Variants in KIF25 observed in about 807,000 individuals in gnomAD.
KIF25 encodes the protein kinesin-like protein KIF25.
A neutral mutation model predicts 32.9 loss-of-function variants in KIF25; 19 were observed. The observed-to-expected ratio is 0.58, with a 90% CI of 0.40 to 0.85. The LOEUF is 0.85. Ranked by LOEUF, KIF25 falls within the 40% of genes least tolerant of loss-of-function variation. The probability of loss-of-function intolerance (pLI) is 0.00; values close to 1 mark genes in which losing one functional copy is unlikely to be tolerated. For synonymous variants in KIF25, 225 were observed against 213.7 expected, an observed-to-expected ratio of 1.05 and a Z score of -0.46; for missense variants, 485 against 507.0, an observed-to-expected ratio of 0.96 and a Z score of 0.42.
intron 7 of KIF25, among the ~76,000 whole-genome samples, chr6:168,033,437 T>C (rs1266635929): frequency 6.6e-6 from 1 of 151,084 alleles, no homozygotes; most frequent in Non-Finnish European, 1.5e-5. Context: ...GAGGCAGAGG[T>C]TGCAATGAGC....
intron 10 of KIF25, among the ~76,000 whole-genome samples, chr6:168,040,843 T>G (rs1008684047): frequency 1.8e-4 from 27 of 152,338 alleles, no homozygotes; most frequent in African/African-American, 6.3e-4. Flanking sequence ...AATTTCAGTT[T>G]AAAACCAAAA....
intron 4 of KIF25, among the ~76,000 whole-genome samples, chr6:168,004,629 T>C (rs554783713): frequency 1.3e-5 from 2 of 152,268 alleles, no homozygotes; most frequent in South Asian, 4.1e-4. Flanking sequence ...AAATGGTGAC[T>C]CTAGGCCCTC....
intron 5 of KIF25, among the ~76,000 whole-genome samples, chr6:168,025,820 G>T (rs1253484136): frequency 6.6e-6 from 1 of 152,196 alleles, no homozygotes; most frequent in East Asian, 1.9e-4. Context: ...TTCCCCACGC[G>T]GCTTACACAC....
intron 5 of KIF25, among the ~76,000 whole-genome samples, chr6:168,025,124 A>G (rs1433662428): frequency 3.3e-5 from 5 of 152,174 alleles, no homozygotes; most frequent in African/African-American, 4.8e-5. Context: ...TCTGGGGAAG[A>G]GGCCTTGAGC....
At chr6:168,002,066 T>G (rs112853234) in intron 2 of KIF25, among the ~76,000 whole-genome samples, 73 of 51,956 alleles carry the variant, frequency 1.4e-3, no homozygotes, top group African/African-American at 1.7e-3. Flanking sequence ...CTCGGGCAGG[T>G]GAGAAGACAC....
At chr6:168,044,312 G>T (rs188137337) in intron 12 of KIF25, among the ~76,000 whole-genome samples, 1 of 136,446 alleles carries the variant, frequency 7.3e-6, no homozygotes, top group Admixed American at 7.3e-5. Flanking sequence ...GCTAGTGACC[G>T]GCTGCTGACC....
intron 5 of KIF25, among the ~76,000 whole-genome samples, chr6:168,024,419 CTCTCTTTTTTTTT>C (rs1313049253): frequency 1.5e-4 from 20 of 132,124 alleles, no homozygotes; most frequent in African/African-American, 5.9e-4. Flanking sequence ...GTAAAAACCT[CTCTCTTTTTTTTT>C]TTTTTTTTTT....
chr6:168,035,461 C>CGGG (rs200000338), intron 8 of KIF25, among the ~76,000 whole-genome samples: 1 of 68,980 alleles, frequency 1.4e-5, no homozygotes, highest in Non-Finnish European at 2.8e-5. Context: ...AACGGCGCTG[C>CGGG]GGGGGGGGCG....
intron 4 of KIF25, among the ~76,000 whole-genome samples, chr6:168,014,462 G>T (rs1167829130): frequency 6.6e-6 from 1 of 152,172 alleles, no homozygotes; most frequent in Non-Finnish European, 1.5e-5. Flanking sequence ...TTTGGATTCT[G>T]TTTTTAAATC....
chr6:168,044,073 C>A (rs537938363), intron 12 of KIF25, among the ~76,000 whole-genome samples: 3 of 152,336 alleles, frequency 2.0e-5, no homozygotes, highest in African/African-American at 7.2e-5. Context: ...TGACTTCATA[C>A]CTCCCAATTC....
intron 2 of KIF25, among the ~76,000 whole-genome samples, chr6:168,001,165 C>T (rs73040807): frequency 0.029 from 4,382 of 152,292 alleles, 60 homozygotes; most frequent in African/African-American, 0.037. Flanking sequence ...GGCCCTCATT[C>T]AAAATGTGTG....
intron 4 of KIF25, among the ~76,000 whole-genome samples, chr6:168,007,273 G>A (rs1372037552): frequency 5.3e-5 from 8 of 152,134 alleles, no homozygotes; most frequent in Admixed American, 6.5e-5. Context: ...TTAGCTGGGC[G>A]TGGTGGTGGG....
chr6:168,025,006 G>A (rs1252087766), intron 5 of KIF25, among the ~76,000 whole-genome samples: 1 of 152,204 alleles, frequency 6.6e-6, no homozygotes, highest in African/African-American at 2.4e-5. Context: ...AGCCGAGAAT[G>A]TGCCACTGCA....
At chr6:168,044,316 G>A (rs1303062679) in intron 12 of KIF25, among the ~76,000 whole-genome samples, 1 of 140,482 alleles carries the variant, frequency 7.1e-6, no homozygotes, top group Non-Finnish European at 1.5e-5. Context: ...GTGACCGGCT[G>A]CTGACCCTCC....
Position 168,044,928 on chromosome 6 carries a change from G to T in KIF25, c.1087G>T (p.Val363Phe). Residue 363 changes from valine (V) to phenylalanine (F), a missense_variant, in exon 13 of 13, where the codon GTC (valine) becomes TTC (phenylalanine). This residue lies in a region of KIF25 where 480 missense variants were observed against 470.3 expected (regional missense o/e 1.02). Coordinates refer to ENST00000643607, the MANE Select transcript of KIF25 (RefSeq NM_030615.4). ...GGGTTTCGGGATCCGAGCTCGGCAA[G>T]TCCAGCGAGGCCCTGCCCGAAAGAA... ...GLGFGIRARQ[V>F]QRGPARKKPP... 6.2e-7 allele frequency: 1 copy of T among 1,612,898 alleles called. No homozygotes were observed.
Position 168,029,487 on chromosome 6 carries a change from T to A in KIF25, c.-94-5T>A. ...GTTACGTTTTCAAGTCATGATCCTT[T>A]ACAGATATACTGGCCTTCCCAGCTG... On this transcript the variant is annotated splice_polypyrimidine_tract_variant and splice_region_variant and intron_variant, in intron 5 of 12. Transcript: ENST00000643607. The A allele has an allele frequency of 6.5e-7, 1 of 1,532,746 alleles. No homozygotes were observed. The highest frequency in any genetic ancestry group is 8.8e-7 in the Non-Finnish European group (1 of 1,140,808). 94.9% of individuals were successfully genotyped at this position (1,532,746 alleles called of 1,614,324 possible).
In KIF25 at chr6:168,042,614, A is replaced by G; in HGVS notation, c.883A>G (p.Ser295Gly). The G allele has an allele frequency of 1.9e-6, 3 of 1,614,014 alleles. No homozygotes were observed. Among genetic ancestry groups the G allele is most frequent in the Non-Finnish European group, 2.5e-6 (3 of 1,180,020 alleles). ...ALREMACISR[S>G]LAALAGVLGA... ...GAGGGAGATGGCGTGCATCAGCCGC[A>G]GCCTTGCGGCCCTGGCAGGCGTCCT... is the stretch of plus-strand genomic sequence containing the variant. Residue 295 changes from serine (S) to glycine (G), a missense_variant, in exon 12 of 13, where the codon AGC becomes GGC. Ser to Gly is a moderately conservative substitution (Grantham distance 56). Coordinates refer to ENST00000643607, the MANE Select transcript of KIF25 (RefSeq NM_030615.4).
intron 5 of KIF25, among the ~76,000 whole-genome samples, chr6:168,027,370 A>T (rs553467909): frequency 1.3e-5 from 2 of 148,168 alleles, no homozygotes; most frequent in East Asian, 4.1e-4. Context: ...GGGAGAATCG[A>T]TTGAACCAAG....
Position 167,999,294 on chromosome 6 carries a change from A to T in KIF25, c.-396A>T, listed in dbSNP as rs900588389. 3.3e-5 allele frequency: 5 copies of T among 152,252 alleles called. No individual in the cohort carries two copies. Among genetic ancestry groups the T allele is most frequent in the African/African-American group, 1.2e-4 (5 of 41,454 alleles). 9.4% of individuals were successfully genotyped at this position (152,252 alleles called of 1,614,324 possible). A position where few individuals can be genotyped will look rare whatever the true frequency, so the allele number is the denominator to read the frequency against. On this transcript the variant is annotated 5_prime_UTR_variant, in exon 2 of 13. Transcript: ENST00000643607. ...GTCCTTTGTTGCCTTTTGATAGTGA[A>T]TCCGACGATCCAGTTTTGCAGAGCA... is the stretch of plus-strand genomic sequence containing the variant.
Sources: allele counts gnomAD v4.1 joint callset (sites outside exome capture counted in the v4.1 genomes callset), GRCh38; gene constraint gnomAD v4.1.1; regional missense constraint gnomAD v4.1.1; transcripts MANE v1.5; gene names NCBI Gene and HGNC (gene_info 2026-07-23, HGNC 2026-07-21).